The following TRIM33 variants were observed in gnomAD, a reference collection of about 807,000 sequenced individuals.
TRIM33 encodes E3 ubiquitin-protein ligase TRIM33.
Under a neutral mutation model 125.4 loss-of-function variants are expected in TRIM33, and 20 were observed. The observed-to-expected ratio is 0.16, with a 90% CI of 0.11 to 0.23. The LOEUF (loss-of-function observed/expected upper bound fraction) is 0.23, where lower values mean the gene tolerates loss of function less well. Among genes scored for constraint, TRIM33 ranks in the 10% least tolerant of loss-of-function variants. The pLI, the probability that TRIM33 is intolerant of heterozygous loss-of-function variation, is 1.00. For missense variants in TRIM33, 920 were observed against 1,411.4 expected (o/e 0.65, Z 5.58); for synonymous variants, 564 against 513.9 (o/e 1.10, Z -1.32).
chr1:114,426,781 C>T (rs190727675), intron 8 of TRIM33, among the ~76,000 whole-genome samples: 3 of 152,314 alleles, frequency 2.0e-5, no homozygotes, highest in South Asian at 2.1e-4. Flanking sequence ...GACCTAACTA[C>T]TGGACACATT....
chr1:114,489,382 C>T (rs577385189), intron 1 of TRIM33, among the ~76,000 whole-genome samples: 4 of 152,236 alleles, frequency 2.6e-5, no homozygotes, highest in Admixed American at 6.5e-5. Flanking sequence ...CCTTGGATTA[C>T]GAAATGATTT....
At chr1:114,458,181 C>T (rs1434456391) in intron 4 of TRIM33, among the ~76,000 whole-genome samples, 1 of 152,126 alleles carries the variant, frequency 6.6e-6, no homozygotes, top group African/African-American at 2.4e-5. Context: ...CTTTGTAAAG[C>T]TAATGAAAGG....
intron 1 of TRIM33, among the ~76,000 whole-genome samples, chr1:114,473,637 AAAGATTGCTTT>A (rs1459296700): frequency 2.0e-5 from 3 of 152,202 alleles, no homozygotes; most frequent in Non-Finnish European, 4.4e-5. Flanking sequence ...TGTGATCGAA[AAAGATTGCTTT>A]ATGAGGAAGT....
At chr1:114,435,019 A>G (rs947884355) in intron 4 of TRIM33, among the ~76,000 whole-genome samples, 1 of 152,242 alleles carries the variant, frequency 6.6e-6, no homozygotes, top group Non-Finnish European at 1.5e-5. Flanking sequence ...ATATGAGACA[A>G]TAACTGATAA....
At chr1:114,417,023 C>A (rs1055857760) in intron 11 of TRIM33, among the ~76,000 whole-genome samples, 6 of 152,032 alleles carry the variant, frequency 3.9e-5, no homozygotes, top group Non-Finnish European at 7.4e-5. Flanking sequence ...TATATGTATA[C>A]AATGAAATAT....
At chr1:114,399,206 T>C (rs1299819966) in intron 18 of TRIM33, among the ~76,000 whole-genome samples, 1 of 152,078 alleles carries the variant, frequency 6.6e-6, no homozygotes, top group Non-Finnish European at 1.5e-5. Flanking sequence ...CTTTCCATAC[T>C]TATGCCAATC....
At chr1:114,445,667 C>G (rs1262433607) in intron 4 of TRIM33, among the ~76,000 whole-genome samples, 1 of 151,736 alleles carries the variant, frequency 6.6e-6, no homozygotes, top group Non-Finnish European at 1.5e-5. Flanking sequence ...AGGGAAAGGC[C>G]AAAGAAAAAG....
At chr1:114,413,592 CTT>C (rs1410641168) in intron 11 of TRIM33, among the ~76,000 whole-genome samples, 3 of 67,106 alleles carry the variant, frequency 4.5e-5, no homozygotes, top group African/African-American at 2.1e-4. Context: ...AAGAAAAAGA[CTT>C]TTTCTGAAAA....
At chr1:114,420,328 A>C in intron 11 of TRIM33, 1 of 1,088,848 alleles carries the variant, frequency 9.2e-7, no homozygotes, top group Non-Finnish European at 1.3e-6. Flanking sequence ...TCCTTTTCTC[A>C]GCCCAACTGA....
chr1:114,509,453 A>G (rs992049109), intron 1 of TRIM33, among the ~76,000 whole-genome samples: 1 of 152,224 alleles, frequency 6.6e-6, no homozygotes, highest in African/African-American at 2.4e-5. Context: ...TAAAAGTCTC[A>G]CATAACAGAC....
At chr1:114,478,856 T>G (rs1043642033) in intron 1 of TRIM33, among the ~76,000 whole-genome samples, 1 of 152,106 alleles carries the variant, frequency 6.6e-6, no homozygotes, top group East Asian at 1.9e-4. Flanking sequence ...GAGACCAGCC[T>G]GGCCAACATG....
At chr1:114,400,416 C>G (rs1651802695) in intron 17 of TRIM33, among the ~76,000 whole-genome samples, 2 of 152,182 alleles carry the variant, frequency 1.3e-5, no homozygotes, top group South Asian at 4.1e-4. Flanking sequence ...GTTGGCCAGG[C>G]TGGTCTTGAA....
chr1:114,426,826 G>A (rs1055525894), intron 8 of TRIM33, among the ~76,000 whole-genome samples: 4 of 152,044 alleles, frequency 2.6e-5, no homozygotes, highest in African/African-American at 9.7e-5. Flanking sequence ...TGCACAATTT[G>A]GCTTAATTAA....
intron 4 of TRIM33, chr1:114,460,117 T>C (rs745913984): frequency 6.7e-5 from 11 of 164,944 alleles, no homozygotes; most frequent in East Asian, 4.5e-4. Flanking sequence ...GCGAGGACAC[T>C]ATAAAGGTCA....
chr1:114,406,826 GA>G, intron 14 of TRIM33, 114 bp downstream of exon 14: 1 of 1,063,544 alleles, frequency 9.4e-7, no homozygotes, highest in Non-Finnish European at 1.3e-6. Flanking sequence ...TGCCAGGCAT[GA>G]AATTTCAAAA....
In TRIM33 at chr1:114,465,236, T is replaced by C. The variant is rs531622809; in HGVS notation, c.527-848A>G. On this transcript the variant is annotated intron_variant, in intron 1 of 19. Transcript: ENST00000358465. ...TATCAGAATGGATAAACTGTTGAGG[T>C]AACACATAGAGGCTAAATAACTGAA... Among the ~76,000 whole-genome samples, 3 of 152,246 alleles carry C rather than the reference T, an allele frequency of 2.0e-5. No homozygotes were observed. In the East Asian group the frequency reaches 5.8e-4, roughly 29 times the overall value.
At chr1:114,464,196 A>G in intron 2 of TRIM33, 74 bp downstream of exon 2, 2 of 749,532 alleles carry the variant, frequency 2.7e-6, no homozygotes, top group Non-Finnish European at 4.3e-6. Context: ...TGACTTAACT[A>G]TCCAAACATG....
chr1:114,488,055 AG>A (rs1222095427), intron 1 of TRIM33, among the ~76,000 whole-genome samples: 2 of 152,106 alleles, frequency 1.3e-5, no homozygotes, highest in Admixed American at 1.3e-4. Flanking sequence ...TTTTAAAACT[AG>A]GAAGAGTAAA....
At chr1:114,483,145 A>C (rs1651457586) in intron 1 of TRIM33, among the ~76,000 whole-genome samples, 1 of 152,106 alleles carries the variant, frequency 6.6e-6, no homozygotes, top group Non-Finnish European at 1.5e-5. Context: ...TCTCTACAAA[A>C]ATAATTTTTT....
Sources: allele counts gnomAD v4.1 joint callset (sites outside exome capture counted in the v4.1 genomes callset), GRCh38; gene constraint gnomAD v4.1.1; transcripts MANE v1.5; gene names NCBI Gene and HGNC (gene_info 2026-07-23, HGNC 2026-07-21).